The following STARD8 variants were observed in gnomAD, a reference collection of about 807,000 sequenced individuals.
STARD8 encodes the protein stAR-related lipid transfer protein 8.
Under a neutral mutation model 69.4 loss-of-function variants are expected in STARD8, and 25 were observed. The ratio of observed to expected loss-of-function variants is 0.36; its 90% CI spans 0.26 to 0.50. The LOEUF (loss-of-function observed/expected upper bound fraction) is 0.50, where lower values mean the gene tolerates loss of function less well. STARD8 is among the 20% of genes least tolerant of loss of function. STARD8 has a pLI of 0.96. For missense variants in STARD8, 921 were observed against 932.5 expected, an observed-to-expected ratio of 0.99 and a Z score of 0.16; for synonymous variants, 389 against 374.6, an observed-to-expected ratio of 1.04 and a Z score of -0.45.
At chrX:68,663,696 C>T (rs1004831355) in intron 1 of STARD8, among the ~76,000 whole-genome samples, 4 of 111,397 alleles carry the variant, frequency 3.6e-5, no homozygotes, top group African/African-American at 1.3e-4. Context: ...CCTGCTTTGT[C>T]CTTCTCTTCT....
At chrX:68,668,061 C>CTTTCTTTA (rs2079695749) in intron 2 of STARD8, among the ~76,000 whole-genome samples, 1 of 50,764 alleles carries the variant, frequency 2.0e-5, no homozygotes, top group Non-Finnish European at 3.6e-5. Context: ...TCTTTCTTTT[C>CTTTCTTTA]TTTCTTTCTT....
chrX:68,650,318 T>C (rs1206962856), intron 1 of STARD8, among the ~76,000 whole-genome samples: 1 of 108,701 alleles, frequency 9.2e-6, no homozygotes. Context: ...CCCAGTTACT[T>C]AGGAGACTGA....
At position 68,724,483 on chromosome X, in the gene STARD8, G is replaced by A; in HGVS notation, c.*61G>A. The A allele has an allele frequency of 3.9e-6, 4 of 1,029,190 alleles. No individual in the cohort carries two copies. The highest frequency in any genetic ancestry group is 5.4e-6 in the Non-Finnish European group (4 of 746,186). 84.8% of individuals were successfully genotyped at this position (1,029,190 alleles called of 1,213,427 possible). A position where few individuals can be genotyped will look rare whatever the true frequency, so the allele number is the denominator to read the frequency against. ...CCCCTGGGCACCAAGGGAGCGAGGGGGAATAAGAGCAGGGCAGCCCCCTGG... is the reference window on the plus strand; with the variant it reads ...CCCCTGGGCACCAAGGGAGCGAGGGAGAATAAGAGCAGGGCAGCCCCCTGG... On this transcript the variant is annotated 3_prime_UTR_variant, in exon 15 of 15. Coordinates refer to ENST00000374599, the MANE Select transcript of STARD8 (RefSeq NM_001142503.3).
chrX:68,724,434 G>C lies in STARD8; in HGVS notation c.*12G>C. Reference sequence around the variant, plus strand: ...AGACAAAGCTGTGAGCCTTGGGCTGGTCCCAGGGTGGCACCACCCAGGCCC... The same window carrying C: ...AGACAAAGCTGTGAGCCTTGGGCTGCTCCCAGGGTGGCACCACCCAGGCCC... On this transcript the variant is annotated 3_prime_UTR_variant, in exon 15 of 15. Transcript: ENST00000374599. 8.4e-7 allele frequency: 1 copy of C among 1,185,309 alleles called. No individual in the cohort carries two copies. The highest frequency in any genetic ancestry group is 1.8e-5 in the South Asian group (1 of 54,606).
rs1385063263 is a variant in STARD8 at position 68,650,443 on chromosome X, G to A, written c.45+2516G>A. Among the ~76,000 whole-genome samples, 4 of 84,911 alleles carry A rather than the reference G, an allele frequency of 4.7e-5. No homozygotes were observed. In the East Asian group the frequency reaches 1.7e-3, roughly 35 times the overall value. 73.7% of individuals were successfully genotyped at this position (84,911 alleles called of 115,157 possible). ...CCTATAGAAGAAGAAGAAGGAGGAGGAGGAGGAGGAGGAAGAGGAGGAGGG... is the reference window on the plus strand; with the variant it reads ...CCTATAGAAGAAGAAGAAGGAGGAGAAGGAGGAGGAGGAAGAGGAGGAGGG... On this transcript the variant is annotated intron_variant, in intron 1 of 14. Coordinates refer to ENST00000374599, the MANE Select transcript of STARD8 (RefSeq NM_001142503.3).
chrX:68,718,485 C>T lies in STARD8; in HGVS notation c.1571C>T (p.Thr524Ile), dbSNP rs141931470. Residue 524 changes from threonine to isoleucine, a missense_variant, in exon 6 of 15, where the codon ACT becomes ATT. Physicochemically the swap from Thr to Ile is moderately conservative, Grantham distance 89 (BLOSUM62 -1). Coordinates refer to ENST00000374599, the MANE Select transcript of STARD8 (RefSeq NM_001142503.3). The stretch of plus-strand genomic sequence containing the variant: ...GAAGAAGGACACTCCATTTCTGACA[C>T]TGTGGCCTCCTCCAGCGAACTTGAC... ...SVEEGHSISD[T>I]VASSSELDSS... 2.6e-5 allele frequency: 32 copies of T among 1,210,994 alleles called. No individual in the cohort carries two copies. The African/African-American group carries it at 5.4e-4, about 20-fold the overall frequency.
At chrX:68,682,745 G>A (rs1362216221) in intron 2 of STARD8, among the ~76,000 whole-genome samples, 1 of 112,664 alleles carries the variant, frequency 8.9e-6, no homozygotes, top group Non-Finnish European at 1.9e-5. Context: ...AAGGAAATAA[G>A]GATGAGCATT....
At chrX:68,695,352 C>A (rs1433706908) in intron 2 of STARD8, among the ~76,000 whole-genome samples, 1 of 111,154 alleles carries the variant, frequency 9.0e-6, no homozygotes, top group Non-Finnish European at 1.9e-5. Context: ...GCTGGACATT[C>A]TGGGCTGGTT....
intron 2 of STARD8, among the ~76,000 whole-genome samples, chrX:68,695,310 CTCTT>C (rs1269753429): frequency 9.0e-6 from 1 of 110,851 alleles, no homozygotes; most frequent in Non-Finnish European, 1.9e-5. Context: ...GGTAGTGAAA[CTCTT>C]TCACTCTAAA....
chrX:68,676,975 G>T (rs1478379319), intron 2 of STARD8, among the ~76,000 whole-genome samples: 1 of 106,552 alleles, frequency 9.4e-6, no homozygotes. Flanking sequence ...GGGAGACCCC[G>T]CCCCTACCAA....
At position 68,649,080 on chromosome X, in the gene STARD8, G is replaced by A. The variant is rs150550587; in HGVS notation, c.45+1153G>A. Among the ~76,000 whole-genome samples the A allele has an allele frequency of 3.9e-3, 435 of 112,206 alleles. 1 individual carries two copies. The highest frequency in any genetic ancestry group is 0.014 in the African/African-American group (424 of 30,876). ...CAACCCAGTAGGAAGACTTTCAAACGACTAGCCTGACTGTAAGACAGGATG... is the reference window on the plus strand; with the variant it reads ...CAACCCAGTAGGAAGACTTTCAAACAACTAGCCTGACTGTAAGACAGGATG... On this transcript the variant is annotated intron_variant, in intron 1 of 14. Coordinates refer to ENST00000374599, the MANE Select transcript of STARD8 (RefSeq NM_001142503.3).
rs781654694 is a variant in STARD8 at position 68,725,188 on chromosome X, T to C, written c.*766T>C. 2 of 111,151 alleles carry C rather than the reference T, an allele frequency of 1.8e-5. No homozygotes were observed. The highest frequency in any genetic ancestry group is 5.7e-4 in the East Asian group (2 of 3,509). The allele number at this position is 111,151 out of a possible 1,213,427, so 9.2% of individuals were successfully genotyped here. ...ATCGACCACCCCATGGGGTCCTGTG[T>C]AGCCTTTGGCCACGCACTGACACTG... On this transcript the variant is annotated 3_prime_UTR_variant, in exon 15 of 15. Coordinates refer to ENST00000374599, the MANE Select transcript of STARD8 (RefSeq NM_001142503.3).
intron 2 of STARD8, among the ~76,000 whole-genome samples, chrX:68,674,981 A>G (rs1029943249): frequency 8.1e-5 from 6 of 74,377 alleles, no homozygotes; most frequent in Non-Finnish European, 7.6e-5. Flanking sequence ...TTTGAGATGG[A>G]GTTTCGCTCT....
At chrX:68,661,877 TTTTCCTTCCTTCCTTCCTTCC>T (rs2079646525) in intron 1 of STARD8, among the ~76,000 whole-genome samples, 1 of 80,933 alleles carries the variant, frequency 1.2e-5, no homozygotes, top group Non-Finnish European at 2.2e-5. Context: ...TCTTTCTTTC[TTTTCCTTCCTTCCTTCCTTCC>T]TTCCTTCCTT....
At chrX:68,716,624 CTT>C (rs1281812880) in intron 5 of STARD8, among the ~76,000 whole-genome samples, 193 bp downstream of exon 5, 1 of 107,627 alleles carries the variant, frequency 9.3e-6, no homozygotes, top group East Asian at 2.9e-4. Context: ...TGCTTTCTTG[CTT>C]TTTTTTTTCT....
At chrX:68,721,861 G>A in intron 10 of STARD8, 115 bp downstream of exon 10, 2 of 835,857 alleles carry the variant, frequency 2.4e-6, no homozygotes, top group Non-Finnish European at 1.7e-6. Flanking sequence ...CACAAGGAGT[G>A]AGCCTGACTC....
chrX:68,685,438 A>T (rs1274261129), intron 2 of STARD8, among the ~76,000 whole-genome samples: 1 of 109,914 alleles, frequency 9.1e-6, no homozygotes, highest in Admixed American at 9.7e-5. Context: ...TTTAACCAGG[A>T]CCCCCCACCA....
intron 1 of STARD8, among the ~76,000 whole-genome samples, chrX:68,662,433 T>C (rs997520836): frequency 9.0e-6 from 1 of 111,517 alleles, no homozygotes; most frequent in African/African-American, 3.3e-5. Flanking sequence ...TGGCTCTCCA[T>C]TGGGCTCTAG....
rs1370809857 is a variant in STARD8, at chrX:68,718,369, G to A, written c.1455G>A (p.Pro485=). ...TGGCACAGGAAGAGGCTGAGGCCCC[G>A]GCCCCAGCCCCGGCCCCGGCCCCAG... The part of the protein sequence containing the change: ...EPVAQEEAEA[P]APAPAPAPAQ... Residue 485 remains proline, a synonymous_variant, in exon 6 of 15, where the codon CCG becomes CCA. Coordinates refer to ENST00000374599, the MANE Select transcript of STARD8 (RefSeq NM_001142503.3). 9 of 1,204,429 alleles carry A rather than the reference G, an allele frequency of 7.5e-6. No homozygotes were observed. The highest frequency in any genetic ancestry group is 2.3e-4 in the Middle Eastern group (1 of 4,293).
Sources: gnomAD v4.1 joint callset for allele counts (sites outside exome capture counted in the v4.1 genomes callset) on GRCh38, gnomAD v4.1.1 for gene constraint, MANE v1.5 for transcripts, NCBI Gene and HGNC (gene_info 2026-07-23, HGNC 2026-07-21) for gene names.